HSPA12A: variants seen among roughly 807,000 people sequenced by gnomAD.
HSPA12A encodes heat shock 70 kDa protein 12A.
In HSPA12A, 28 loss-of-function variants were observed where a neutral mutation model predicts 69.2. The ratio of observed to expected loss-of-function variants is 0.40; its 90% CI spans 0.30 to 0.55. The LOEUF (loss-of-function observed/expected upper bound fraction) is 0.55, where lower values mean the gene tolerates loss of function less well. Ranked by LOEUF, HSPA12A falls within the 20% of genes least tolerant of loss-of-function variation. The pLI is 0.38. For missense variants in HSPA12A, 686 were observed against 900.7 expected (o/e 0.76, Z 3.05); for synonymous variants, 345 against 370.5 (o/e 0.93, Z 0.79).
At position 116,692,556 on chromosome 10, in the gene HSPA12A, G is replaced by C; in HGVS notation, c.547-89C>G. ...TGGCTTCACTGAACCCAGGCTTCCTGCCATGAGCTCTTCAGGAGCCAGTTT... is the reference window on the plus strand; with the variant it reads ...TGGCTTCACTGAACCCAGGCTTCCTCCCATGAGCTCTTCAGGAGCCAGTTT... On this transcript the variant is annotated intron_variant, in intron 5 of 11. Coordinates refer to ENST00000369209, the MANE Select transcript of HSPA12A (RefSeq NM_025015.3). 3 of 959,172 alleles carry C rather than the reference G, an allele frequency of 3.1e-6. No homozygotes were observed. In the South Asian group the frequency reaches 4.3e-5, roughly 14 times the overall value. The allele number at this position is 959,172 out of a possible 1,614,324, so 59.4% of individuals were successfully genotyped here.
intron 2 of HSPA12A, among the ~76,000 whole-genome samples, chr10:116,810,238 G>C (rs138845081): frequency 1.9e-3 from 284 of 152,176 alleles, no homozygotes; most frequent in Middle Eastern, 0.01. Context: ...ATGCGGAGCC[G>C]GCGGGAAGCG....
Position 116,806,369 on chromosome 10 carries a change from C to G in HSPA12A, c.91+28566G>C, listed in dbSNP as rs200235209. Among the ~76,000 whole-genome samples, 3 of 152,250 alleles carry G rather than the reference C, an allele frequency of 2.0e-5. No individual in the cohort carries two copies. The East Asian group carries it at 5.8e-4, about 29-fold the overall frequency. On this transcript the variant is annotated intron_variant, in intron 2 of 12. Coordinates refer to the HSPA12A transcript ENST00000635765. ...TACAGGCTTGAGCCACCATGCCCAGCTAATTTTTGTATTTTTTTGTAGAGA... is the reference window on the plus strand; with the variant it reads ...TACAGGCTTGAGCCACCATGCCCAGGTAATTTTTGTATTTTTTTGTAGAGA...
At chr10:116,797,758 G>C (rs1844862363) in intron 2 of HSPA12A, among the ~76,000 whole-genome samples, 1 of 152,232 alleles carries the variant, frequency 6.6e-6, no homozygotes, top group Admixed American at 6.5e-5. Flanking sequence ...GTGGCTCTGT[G>C]AGGGGCAGGG....
At chr10:116,781,008 T>C (rs1226255922) in intron 2 of HSPA12A, among the ~76,000 whole-genome samples, 2 of 152,218 alleles carry the variant, frequency 1.3e-5, no homozygotes, top group South Asian at 2.1e-4. Context: ...TTCATGCCTG[T>C]AATCTCAGCA....
chr10:116,725,378 G>A (rs760159196), intron 1 of HSPA12A, among the ~76,000 whole-genome samples: 2 of 152,160 alleles, frequency 1.3e-5, no homozygotes, highest in Non-Finnish European at 2.9e-5. Context: ...AGCTTCCATC[G>A]TTAACATCAG....
chr10:116,806,808 G>GC (rs1186122388), intron 2 of HSPA12A, among the ~76,000 whole-genome samples: 2 of 152,198 alleles, frequency 1.3e-5, no homozygotes, highest in African/African-American at 2.4e-5. Context: ...TTGACCCGTG[G>GC]CCCCCCAAAA....
chr10:116,829,790 A>G (rs1488802874), intron 2 of HSPA12A: 1 of 152,160 alleles, frequency 6.6e-6, no homozygotes, highest in Non-Finnish European at 1.5e-5. Flanking sequence ...AATCCAAAGG[A>G]TACACAGGAG....
At chr10:116,791,893 C>T (rs553106585) in intron 2 of HSPA12A, among the ~76,000 whole-genome samples, 1 of 152,000 alleles carries the variant, frequency 6.6e-6, no homozygotes, top group Non-Finnish European at 1.5e-5. Context: ...CTACTATGTC[C>T]CAGACAAAGT....
At chr10:116,748,401 T>A (rs1283237313) in intron 2 of HSPA12A, among the ~76,000 whole-genome samples, 1 of 152,112 alleles carries the variant, frequency 6.6e-6, no homozygotes, top group Non-Finnish European at 1.5e-5. Flanking sequence ...CTTGCACAAG[T>A]CTCCAAAAAC....
At chr10:116,703,967 A>T (rs1466123254) in intron 3 of HSPA12A, among the ~76,000 whole-genome samples, 1 of 152,202 alleles carries the variant, frequency 6.6e-6, no homozygotes, top group Non-Finnish European at 1.5e-5. Context: ...AAGGGCCAGC[A>T]CCTGGAGAGG....
intron 2 of HSPA12A, 21 bp from the exon 3 acceptor site, chr10:116,705,299 A>G (rs551718179): frequency 1.2e-6 from 2 of 1,613,714 alleles, no homozygotes; most frequent in Non-Finnish European, 1.7e-6. Flanking sequence ...ACAGTGAGGC[A>G]TGGGGGGTGT....
chr10:116,849,682 T>C (rs1296506858), exon 1 of HSPA12A: 3 of 1,548,886 alleles, frequency 1.9e-6, no homozygotes, highest in East Asian at 2.4e-5. Flanking sequence ...CTGGAAGAGC[T>C]GCTCAACTCC....
At chr10:116,849,381 G>A (rs1283039217) in intron 1 of HSPA12A, 5 of 736,178 alleles carry the variant, frequency 6.8e-6, no homozygotes, top group African/African-American at 3.7e-5. Context: ...AGGGAGAAAA[G>A]ACAGAGCAGC....
chr10:116,844,075 A>G (rs1845843216), intron 1 of HSPA12A, among the ~76,000 whole-genome samples: 1 of 152,242 alleles, frequency 6.6e-6, no homozygotes. Context: ...AACAGCTAGC[A>G]TTAGTGGAAC....
At chr10:116,802,367 T>C (rs1188687207) in intron 2 of HSPA12A, among the ~76,000 whole-genome samples, 1 of 152,162 alleles carries the variant, frequency 6.6e-6, no homozygotes, top group Non-Finnish European at 1.5e-5. Flanking sequence ...ATAACATGTA[T>C]CTGCGTGCAT....
intron 1 of HSPA12A, among the ~76,000 whole-genome samples, chr10:116,721,151 T>C (rs1218806800): frequency 5.9e-5 from 9 of 152,240 alleles, no homozygotes; most frequent in African/African-American, 1.9e-4. Context: ...GGTTAAGTTA[T>C]TGATTAACTT....
intron 1 of HSPA12A, 39 bp from the exon 2 acceptor site, chr10:116,707,324 T>A: frequency 6.7e-7 from 1 of 1,503,738 alleles, no homozygotes; most frequent in Non-Finnish European, 9.2e-7. Context: ...AGAAGTGGCA[T>A]GGACTGACCC....
rs1849350169 is a variant in HSPA12A, at chr10:116,679,736, T to G, written c.1053A>C (p.Val351=). Residue 351 remains valine, a synonymous_variant, in exon 10 of 12, where the codon GTA becomes GTC. Transcript: ENST00000369209. ...ATGGPYGSLG[V]DYEFEKLLYK... is the part of the protein sequence containing the mutation. ...ACAGAAGTTTTTCGAACTCATAATC[T>G]ACTCCTAAAGATCCATAGGGTCCGC... The G allele has an allele frequency of 6.2e-7, 1 of 1,614,028 alleles. No homozygotes were observed. The highest frequency in any genetic ancestry group is 1.1e-5 in the South Asian group (1 of 91,092).
At chr10:116,782,883 G>T (rs1844494106) in intron 2 of HSPA12A, among the ~76,000 whole-genome samples, 1 of 152,130 alleles carries the variant, frequency 6.6e-6, no homozygotes. Flanking sequence ...TGACTCCCAG[G>T]CCTGATGCCT....
Sources: gnomAD v4.1 joint callset for allele counts (sites outside exome capture counted in the v4.1 genomes callset) on GRCh38, gnomAD v4.1.1 for gene constraint, MANE v1.5 for transcripts, NCBI Gene and HGNC (gene_info 2026-07-23, HGNC 2026-07-21) for gene names.